The following SBF2 variants were observed in gnomAD, a reference collection of about 807,000 sequenced individuals.
The protein encoded by SBF2 is SET binding factor 2.
Under a neutral mutation model 225.2 loss-of-function variants are expected in SBF2, and 112 were observed. That is an observed-to-expected ratio of 0.50 (90% CI 0.43 to 0.58). The LOEUF (loss-of-function observed/expected upper bound fraction) is 0.58. Ranked by LOEUF, SBF2 falls within the 20% of genes least tolerant of loss-of-function variation. The probability of loss-of-function intolerance (pLI) is 0.00; values close to 1 mark genes in which losing one functional copy is unlikely to be tolerated. For missense variants in SBF2, 1,996 were observed against 2,206.2 expected (o/e 0.90, Z 1.91); for synonymous variants, 763 against 773.3 (o/e 0.99, Z 0.22).
rs56223901 is a variant in SBF2 at position 9,992,915 on chromosome 11, C to A, written c.1167+75G>T. 74,195 of 1,059,862 alleles carry A rather than the reference C, an allele frequency of 0.07. 3,349 individuals are homozygous for A. The highest frequency in any genetic ancestry group is 0.18 in the Middle Eastern group (682 of 3,776). 65.7% of individuals were successfully genotyped at this position (1,059,862 alleles called of 1,614,324 possible). A position where few individuals can be genotyped will look rare whatever the true frequency, so the allele number is the denominator to read the frequency against. On this transcript the variant is annotated intron_variant, in intron 11 of 39. Coordinates refer to ENST00000256190, the MANE Select transcript of SBF2 (RefSeq NM_030962.4). ...TAAATCAAGGTCAAAATAAATGGCT[C>A]GGAAAAAAAACCAAGTAGTTTTATT...
chr11:10,304,427 C>CTGAAAT (rs1303236485), intron 1 of SBF2, among the ~76,000 whole-genome samples: 1 of 152,174 alleles, frequency 6.6e-6, no homozygotes, highest in African/African-American at 2.4e-5. Flanking sequence ...TCAGATAATT[C>CTGAAAT]CCCCCTCCAA....
chr11:10,151,800 T>C (rs1955205910), intron 2 of SBF2, among the ~76,000 whole-genome samples: 1 of 152,198 alleles, frequency 6.6e-6, no homozygotes, highest in Non-Finnish European at 1.5e-5. Flanking sequence ...TCTTCCTCTT[T>C]ATATTTAAAT....
At chr11:10,261,566 T>A (rs1961435026) in intron 1 of SBF2, among the ~76,000 whole-genome samples, 1 of 152,176 alleles carries the variant, frequency 6.6e-6, no homozygotes, top group Admixed American at 6.5e-5. Context: ...GGAAAAGATG[T>A]GGTCGTTTCT....
At chr11:9,905,387 T>C (rs1473727638) in intron 16 of SBF2, among the ~76,000 whole-genome samples, 1 of 152,238 alleles carries the variant, frequency 6.6e-6, no homozygotes, top group Non-Finnish European at 1.5e-5. Context: ...CAAATGATCT[T>C]ACTAGGTCTT....
chr11:10,037,731 T>C (rs73410837), intron 3 of SBF2, among the ~76,000 whole-genome samples: 1,593 of 144,420 alleles, frequency 0.011, 29 homozygotes, highest in African/African-American at 0.039. Flanking sequence ...CTATGTCTTC[T>C]ACAATGAGCA....
intron 2 of SBF2, among the ~76,000 whole-genome samples, chr11:10,138,169 C>G (rs1954472368): frequency 6.6e-6 from 1 of 152,046 alleles, no homozygotes; most frequent in Non-Finnish European, 1.5e-5. Context: ...ATTTTCTTAA[C>G]AGAATTATTC....
intron 2 of SBF2, among the ~76,000 whole-genome samples, chr11:10,177,618 A>G (rs994617003): frequency 2.0e-5 from 3 of 151,294 alleles, no homozygotes; most frequent in African/African-American, 7.3e-5. Flanking sequence ...TAAAATACCT[A>G]GGAATCCAAC....
At chr11:10,182,390 A>T (rs1956770716) in intron 2 of SBF2, among the ~76,000 whole-genome samples, 1 of 152,178 alleles carries the variant, frequency 6.6e-6, no homozygotes, top group Non-Finnish European at 1.5e-5. Context: ...CTCTATATAT[A>T]CATAAATATA....
At chr11:10,253,118 CAAAAAA>C (rs546522229) in intron 1 of SBF2, among the ~76,000 whole-genome samples, 2 of 77,292 alleles carry the variant, frequency 2.6e-5, no homozygotes, top group Admixed American at 1.6e-4. Context: ...AGGTAAATAC[CAAAAAA>C]AAAAAAAAAA....
At chr11:9,800,830 G>A (rs1033030360) in intron 32 of SBF2, among the ~76,000 whole-genome samples, 1 of 152,182 alleles carries the variant, frequency 6.6e-6, no homozygotes, top group African/African-American at 2.4e-5. Flanking sequence ...ATAGGCTTCA[G>A]CCACCATACC....
At chr11:9,855,540 C>T (rs376864046) in intron 19 of SBF2, among the ~76,000 whole-genome samples, 2 of 152,306 alleles carry the variant, frequency 1.3e-5, no homozygotes, top group East Asian at 3.9e-4. Flanking sequence ...AATTTCACTA[C>T]TGTTGGGTTG....
chr11:10,205,846 A>T (rs11042666), intron 1 of SBF2, among the ~76,000 whole-genome samples: 30,508 of 151,770 alleles, frequency 0.2, 3,324 homozygotes, highest in East Asian at 0.28. Flanking sequence ...AACCAAGAGA[A>T]ACTGAGGTGT....
intron 1 of SBF2, among the ~76,000 whole-genome samples, chr11:10,266,136 G>T (rs1266882907): frequency 6.6e-6 from 1 of 152,086 alleles, no homozygotes; most frequent in Non-Finnish European, 1.5e-5. Flanking sequence ...TTTTATCCCA[G>T]ATTTACAGAG....
intron 1 of SBF2, among the ~76,000 whole-genome samples, chr11:10,264,633 G>A (rs557263166): frequency 6.6e-6 from 1 of 151,812 alleles, no homozygotes. Context: ...TGTGCAGAAC[G>A]TGCAGTTTTG....
chr11:9,825,014 A>G (rs563923474), intron 28 of SBF2, among the ~76,000 whole-genome samples: 2 of 152,278 alleles, frequency 1.3e-5, no homozygotes, highest in South Asian at 2.1e-4. Flanking sequence ...TTAAACTTTA[A>G]AATAATAGTA....
chr11:9,898,093 G>A (rs138997914), intron 16 of SBF2, among the ~76,000 whole-genome samples: 69 of 152,250 alleles, frequency 4.5e-4, no homozygotes, highest in African/African-American at 1.7e-3. Context: ...AGTCAGAAGT[G>A]AGGAAGAGTC....
At chr11:9,839,284 C>T (rs1434476206) in intron 26 of SBF2, 1 of 581,850 alleles carries the variant, frequency 1.7e-6, no homozygotes, top group East Asian at 3.1e-5. Context: ...GGGGTGAGTA[C>T]TTTACCTTTC....
intron 3 of SBF2, among the ~76,000 whole-genome samples, chr11:10,040,582 G>A (rs1414057024): frequency 3.9e-5 from 6 of 151,904 alleles, no homozygotes; most frequent in Non-Finnish European, 1.5e-5. Flanking sequence ...ATGGGGGGGT[G>A]CTATAAAGGA....
Position 10,261,843 on chromosome 11 carries a change from G to A in SBF2, c.55+32172C>T, listed in dbSNP as rs144151980. On this transcript the variant is annotated intron_variant, in intron 1 of 39. Coordinates refer to ENST00000256190, the MANE Select transcript of SBF2 (RefSeq NM_030962.4). ...TAATGTGGATATACTTCAAAAACAT[G>A]CTGAGTGAAAGAAGCCTTACATAAA... Among the ~76,000 whole-genome samples the A allele has an allele frequency of 1.9e-3, 285 of 152,206 alleles. 1 individual carries two copies. Among genetic ancestry groups the A allele is most frequent in the African/African-American group, 6.3e-3 (263 of 41,550 alleles).
Sources: allele counts gnomAD v4.1 joint callset (sites outside exome capture counted in the v4.1 genomes callset), GRCh38; gene constraint gnomAD v4.1.1; transcripts MANE v1.5; gene names NCBI Gene and HGNC (gene_info 2026-07-23, HGNC 2026-07-21).